Variants in GPC3 observed in about 807,000 individuals in gnomAD.
The protein encoded by GPC3 is glypican 3, also known as glypican-3.
A neutral mutation model predicts 34.4 loss-of-function variants in GPC3; 3 were observed. The ratio of observed to expected loss-of-function variants is 0.09; its 90% CI spans 0.04 to 0.23. The LOEUF is 0.23. GPC3 is among the 10% of genes least tolerant of loss of function. GPC3 has a pLI of 1.00. For missense variants in GPC3, 351 were observed against 445.6 expected (o/e 0.79, Z 1.91); for synonymous variants, 177 against 174.0 (o/e 1.02, Z -0.13).
chrX:133,699,161 G>A (rs1415741064), intron 4 of GPC3, among the ~76,000 whole-genome samples: 1 of 111,663 alleles, frequency 9.0e-6, no homozygotes, highest in Non-Finnish European at 1.9e-5. Flanking sequence ...AGGTCACAGT[G>A]AGCTGAGATC....
At chrX:133,807,723 T>C (rs1328504080) in intron 2 of GPC3, among the ~76,000 whole-genome samples, 1 of 112,512 alleles carries the variant, frequency 8.9e-6, no homozygotes, top group Non-Finnish European at 1.9e-5. Flanking sequence ...GGCCAGGCAC[T>C]GTGCTCAAGA....
At chrX:133,707,913 A>G (rs1044213192) in intron 3 of GPC3, among the ~76,000 whole-genome samples, 2 of 111,674 alleles carry the variant, frequency 1.8e-5, no homozygotes, top group Non-Finnish European at 1.9e-5. Flanking sequence ...ACTACCTCAT[A>G]ATGTAGAAAA....
intron 7 of GPC3, among the ~76,000 whole-genome samples, chrX:133,582,609 G>A (rs988691109): frequency 8.9e-6 from 1 of 112,316 alleles, no homozygotes; most frequent in African/African-American, 3.2e-5. Flanking sequence ...TAATTAAAAC[G>A]TGTGGCTTGT....
At chrX:133,677,980 G>A (rs943649950) in intron 5 of GPC3, among the ~76,000 whole-genome samples, 2 of 111,262 alleles carry the variant, frequency 1.8e-5, no homozygotes, top group African/African-American at 3.3e-5. Flanking sequence ...ATAGGAAGAA[G>A]GTGAGAAGGC....
At chrX:133,671,051 C>T in intron 5 of GPC3, 1 of 563,198 alleles carries the variant, frequency 1.8e-6, no homozygotes, top group East Asian at 3.3e-5. Context: ...TCATTGATGT[C>T]CTTGACCCCA....
intron 6 of GPC3, among the ~76,000 whole-genome samples, chrX:133,609,838 C>A (rs188797932): frequency 4.4e-5 from 5 of 112,429 alleles, no homozygotes; most frequent in African/African-American, 1.3e-4. Flanking sequence ...ACATTCACAT[C>A]GACCTTTCAT....
At chrX:133,681,802 A>C (rs2070946858) in intron 5 of GPC3, among the ~76,000 whole-genome samples, 1 of 112,345 alleles carries the variant, frequency 8.9e-6, no homozygotes, top group Admixed American at 9.4e-5. Context: ...ATTGACTATC[A>C]GAAAGAAACT....
chrX:133,889,175 C>T (rs2076074910), intron 2 of GPC3, among the ~76,000 whole-genome samples: 1 of 112,194 alleles, frequency 8.9e-6, no homozygotes, highest in African/African-American at 3.2e-5. Context: ...TCCTGTTAAG[C>T]ATCTCATTTT....
chrX:133,674,467 A>G (rs891306361), intron 5 of GPC3, among the ~76,000 whole-genome samples: 6 of 111,603 alleles, frequency 5.4e-5, no homozygotes, highest in Admixed American at 2.9e-4. Context: ...CGATTGAGCA[A>G]TGATGTGTGA....
chrX:133,825,323 A>C (rs188153819), intron 2 of GPC3, among the ~76,000 whole-genome samples: 1 of 112,049 alleles, frequency 8.9e-6, no homozygotes, highest in Non-Finnish European at 1.9e-5. Context: ...GCCTTGAAAA[A>C]TAACAGTCTG....
At chrX:133,977,978 G>A (rs1399280790) in intron 1 of GPC3, among the ~76,000 whole-genome samples, 2 of 111,726 alleles carry the variant, frequency 1.8e-5, no homozygotes, top group African/African-American at 3.3e-5. Flanking sequence ...TGTCGCCCAG[G>A]CTGGAGTGCA....
At chrX:133,693,712 G>T (rs2071088008) in intron 4 of GPC3, among the ~76,000 whole-genome samples, 1 of 111,722 alleles carries the variant, frequency 9.0e-6, no homozygotes, top group African/African-American at 3.3e-5. Flanking sequence ...GCCAAATGAG[G>T]AAGACTGGTG....
intron 7 of GPC3, among the ~76,000 whole-genome samples, chrX:133,572,095 T>C (rs2069638831): frequency 9.0e-6 from 1 of 111,579 alleles, no homozygotes; most frequent in Non-Finnish European, 1.9e-5. Flanking sequence ...AACTAAGCCA[T>C]AAAACAAGCC....
chrX:133,704,199 C>T (rs1259970349), intron 3 of GPC3: 5 of 1,044,715 alleles, frequency 4.8e-6, no homozygotes, highest in East Asian at 6.8e-5. Context: ...CATAGCTTCA[C>T]TCTACCTGTA....
chrX:133,537,721 C>G (rs2069307224), intron 7 of GPC3, among the ~76,000 whole-genome samples: 1 of 111,948 alleles, frequency 8.9e-6, no homozygotes, highest in African/African-American at 3.2e-5. Flanking sequence ...GGCGACATCT[C>G]AACGTTTCTT....
At chrX:133,766,699 G>A (rs990702605) in intron 2 of GPC3, among the ~76,000 whole-genome samples, 11 of 112,237 alleles carry the variant, frequency 9.8e-5, no homozygotes, top group African/African-American at 3.2e-4. Flanking sequence ...CGAGGTAACC[G>A]AAACTAAGAC....
chrX:133,885,457 G>A (rs1316106455), intron 2 of GPC3, among the ~76,000 whole-genome samples: 1 of 111,452 alleles, frequency 9.0e-6, no homozygotes, highest in African/African-American at 3.3e-5. Context: ...CCCAACTCAA[G>A]GCCTCATTCA....
intron 6 of GPC3, among the ~76,000 whole-genome samples, chrX:133,637,593 T>C (rs1417901156): frequency 9.0e-6 from 1 of 111,198 alleles, no homozygotes; most frequent in Admixed American, 9.6e-5. Context: ...GAAAATTCTA[T>C]TGGGGACAAC....
chrX:133,626,883 C>T (rs1431255064), intron 6 of GPC3, among the ~76,000 whole-genome samples: 9 of 108,017 alleles, frequency 8.3e-5, no homozygotes, highest in African/African-American at 3.0e-4. Context: ...TATTGTGGCA[C>T]TATTCACAAT....
Sources: allele counts gnomAD v4.1 joint callset (sites outside exome capture counted in the v4.1 genomes callset), GRCh38; gene constraint gnomAD v4.1.1; transcripts MANE v1.5; gene names NCBI Gene and HGNC (gene_info 2026-07-23, HGNC 2026-07-21).